The following NRG2 variants were observed in gnomAD, a reference collection of about 807,000 sequenced individuals.
NRG2 encodes pro-neuregulin-2, membrane-bound isoform.
NRG2 carries 27 observed loss-of-function variants against 73.9 expected under a neutral mutation model. The ratio of observed to expected loss-of-function variants is 0.37; its 90% CI spans 0.27 to 0.50. NRG2 has a LOEUF of 0.50. Among genes scored for constraint, NRG2 ranks in the 20% least tolerant of loss-of-function variants. NRG2 has a pLI of 0.96. For missense variants in NRG2, 1,126 were observed against 1,210.1 expected (o/e 0.93, Z 1.03); for synonymous variants, 532 against 541.0 (o/e 0.98, Z 0.23).
At position 139,852,824 on chromosome 5, in the gene NRG2, C is replaced by T. The variant is rs1003800531; in HGVS notation, c.1416+80G>A. The T allele has an allele frequency of 1.1e-5, 17 of 1,591,870 alleles. No individual in the cohort carries two copies. Among genetic ancestry groups the T allele is most frequent in the Middle Eastern group, 1.9e-4 (1 of 5,308 alleles). ...GCCATGGGATAGGCTGGCTGCTGCC[C>T]TGGCCCATCCTTGCAGGGGGCATGA... is the stretch of plus-strand genomic sequence containing the variant. On this transcript the variant is annotated intron_variant, in intron 7 of 9. Transcript: ENST00000361474. The surrounding 1 kb of genome is among the most constrained non-coding windows in gnomAD (Gnocchi z 4.4).
intron 1 of NRG2, among the ~76,000 whole-genome samples, chr5:140,013,674 G>A (rs953687370): frequency 6.6e-6 from 1 of 151,892 alleles, no homozygotes; most frequent in African/African-American, 2.4e-5. Flanking sequence ...CCATTCTCTG[G>A]TAAATCTACT....
chr5:139,921,037 C>A (rs942366430), intron 1 of NRG2, among the ~76,000 whole-genome samples: 3 of 152,068 alleles, frequency 2.0e-5, no homozygotes, highest in African/African-American at 7.2e-5. Flanking sequence ...CAGTATAAAT[C>A]TAAAAGAATA....
At chr5:140,005,296 G>A (rs1193171316) in intron 1 of NRG2, among the ~76,000 whole-genome samples, 2 of 152,190 alleles carry the variant, frequency 1.3e-5, no homozygotes, top group African/African-American at 2.4e-5. Context: ...GTTCACCAGA[G>A]ACCTCTACTC....
At position 139,919,766 on chromosome 5, in the gene NRG2, G is replaced by A. The variant is rs76371727; in HGVS notation, c.701-32255C>T. Among the ~76,000 whole-genome samples, 826 of 152,306 alleles carry A rather than the reference G, an allele frequency of 5.4e-3. 7 individuals carry two copies. The highest frequency in any genetic ancestry group is 0.018 in the African/African-American group (751 of 41,566). On this transcript the variant is annotated intron_variant, in intron 1 of 9. Coordinates refer to ENST00000361474, the MANE Select transcript of NRG2 (RefSeq NM_004883.3). ...AAGAGAAGCAATGAATGTACACCAT[G>A]CAACACTAAGCAACCACTTCAATGA...
At chr5:140,025,168 A>T (rs1760589348) in intron 1 of NRG2, among the ~76,000 whole-genome samples, 1 of 151,636 alleles carries the variant, frequency 6.6e-6, no homozygotes, top group Non-Finnish European at 1.5e-5. Context: ...ATAGCCCAAC[A>T]CTCCTCTGGG....
At chr5:140,034,631 T>C (rs1420667878) in intron 1 of NRG2, among the ~76,000 whole-genome samples, 1 of 152,128 alleles carries the variant, frequency 6.6e-6, no homozygotes, top group South Asian at 2.1e-4. Flanking sequence ...AATAAGTGAA[T>C]GTATTCAGGT....
chr5:140,039,405 C>A (rs572158963), intron 1 of NRG2, among the ~76,000 whole-genome samples: 34 of 152,310 alleles, frequency 2.2e-4, no homozygotes, highest in African/African-American at 8.2e-4. Flanking sequence ...ACAATGCAAT[C>A]TTCTAAGAAA....
rs1763923810 is a variant in NRG2, at chr5:139,887,234, G to C, written c.872+106C>G. ...GAGAGGGGCTGGGACTGGTTCCATG[G>C]GTGAGTCTGGGGGCACAGCCCTGGC... On this transcript the variant is annotated intron_variant, in intron 2 of 9. Transcript: ENST00000361474. The surrounding 1 kb of genome is among the most constrained non-coding windows in gnomAD (Gnocchi z 4.5). 1.5e-6 allele frequency: 2 copies of C among 1,327,028 alleles called. No homozygotes were observed. The highest frequency in any genetic ancestry group is 2.1e-6 in the Non-Finnish European group (2 of 941,606). The allele number at this position is 1,327,028 out of a possible 1,614,324, so 82.2% of individuals were successfully genotyped here.
At chr5:140,030,968 T>A (rs1192450603) in intron 1 of NRG2, among the ~76,000 whole-genome samples, 1 of 152,152 alleles carries the variant, frequency 6.6e-6, no homozygotes, top group Non-Finnish European at 1.5e-5. Flanking sequence ...CCTAGAATTA[T>A]GGAAGATGAC....
intron 1 of NRG2, among the ~76,000 whole-genome samples, chr5:140,030,276 C>G (rs1761029427): frequency 6.6e-6 from 1 of 152,220 alleles, no homozygotes; most frequent in Non-Finnish European, 1.5e-5. Flanking sequence ...CCCACTGGGA[C>G]TCTTTACCAA....
rs765096450 is a variant in NRG2, at chr5:139,989,474, A to G, written c.700+52896T>C. Reference sequence around the variant, plus strand: ...TGTCCTAACACCTCCCATGCCAGGCAGCCATCAACCTGAATCCTCACTCCC... The same window carrying G: ...TGTCCTAACACCTCCCATGCCAGGCGGCCATCAACCTGAATCCTCACTCCC... On this transcript the variant is annotated intron_variant, in intron 1 of 9. Transcript: ENST00000361474. 3.9e-4 allele frequency among the ~76,000 whole-genome samples: 59 copies of G among 152,070 alleles called. 1 individual carries two copies. The highest frequency in any genetic ancestry group is 6.6e-4 in the Non-Finnish European group (45 of 67,976).
rs1581754739 is a variant in NRG2 at position 139,848,432 on chromosome 5, G to T, written c.2038C>A (p.Pro680Thr). The T allele has an allele frequency of 1.1e-5, 15 of 1,304,582 alleles. No homozygotes were observed. The East Asian group carries it at 4.5e-4, about 39-fold the overall frequency. 80.8% of individuals were successfully genotyped at this position (1,304,582 alleles called of 1,614,324 possible). A position where few individuals can be genotyped will look rare whatever the true frequency, so the allele number is the denominator to read the frequency against. The change falls in exon 10 of 10, where the codon CCC becomes ACC. Residue 680 changes from proline (P) to threonine (T), a missense_variant. This residue lies in a region of NRG2 where 402 missense variants were observed against 357.8 expected (regional missense o/e 1.12). Transcript: ENST00000361474. ...MQRSYDSYYY[P>T]AAGPGPRRGT... ...CGCCGCGGTCCGGGCCCCGCCGCGG[G>T]GTAATAGTAGCTGTCATAGCTGCGC...
At chr5:140,033,193 G>A (rs1056007202) in intron 1 of NRG2, among the ~76,000 whole-genome samples, 1 of 152,146 alleles carries the variant, frequency 6.6e-6, no homozygotes, top group African/African-American at 2.4e-5. Context: ...GATTCAGTGT[G>A]AACCCACTCC....
chr5:139,979,576 G>A (rs921582423), intron 1 of NRG2, among the ~76,000 whole-genome samples: 1 of 152,226 alleles, frequency 6.6e-6, no homozygotes, highest in African/African-American at 2.4e-5. Context: ...GGGATGTCAT[G>A]TTGCAGATTA....
chr5:139,859,869 G>A, intron 5 of NRG2: 1 of 1,611,780 alleles, frequency 6.2e-7, no homozygotes, highest in Admixed American at 1.7e-5. Context: ...GGTGCTGAGT[G>A]ACACACAGAG....
intron 1 of NRG2, among the ~76,000 whole-genome samples, chr5:139,965,800 G>A (rs960190369): frequency 2.0e-5 from 3 of 152,142 alleles, no homozygotes; most frequent in African/African-American, 7.2e-5. Flanking sequence ...AGGTCAGGAT[G>A]TGACTGTGAG....
Position 139,852,866 on chromosome 5 carries a change from C to A in NRG2, c.1416+38G>T, listed in dbSNP as rs1396673002. On this transcript the variant is annotated intron_variant, in intron 7 of 9. Transcript: ENST00000361474. The surrounding 1 kb of genome is among the most constrained non-coding windows in gnomAD (Gnocchi z 4.4). ...GGGGCATGAGAAGGCTGGCTGTCCACTGAGGGCTCAGAAGGGGGCCCCAGG... is the reference window on the plus strand; with the variant it reads ...GGGGCATGAGAAGGCTGGCTGTCCAATGAGGGCTCAGAAGGGGGCCCCAGG... The A allele has an allele frequency of 1.2e-6, 2 of 1,612,152 alleles. No homozygotes were observed. Among genetic ancestry groups the A allele is most frequent in the African/African-American group, 2.7e-5 (2 of 74,826 alleles).
chr5:139,944,421 C>T (rs79462056), intron 1 of NRG2, among the ~76,000 whole-genome samples: 3,810 of 152,276 alleles, frequency 0.025, 61 homozygotes, highest in Non-Finnish European at 0.034. Context: ...CTATACTCTT[C>T]CCAGCCTCTA....
chr5:139,969,043 G>T (rs752876438), intron 1 of NRG2, among the ~76,000 whole-genome samples: 1 of 152,218 alleles, frequency 6.6e-6, no homozygotes, highest in South Asian at 2.1e-4. Flanking sequence ...CAGCCCAGCC[G>T]CGTGGCAGCC....
Sources: allele counts gnomAD v4.1 joint callset (sites outside exome capture counted in the v4.1 genomes callset), GRCh38; gene constraint gnomAD v4.1.1; regional missense constraint gnomAD v4.1.1; non-coding constraint Gnocchi (gnomAD v3.1); transcripts MANE v1.5; gene names NCBI Gene and HGNC (gene_info 2026-07-23, HGNC 2026-07-21).